BCOR: variants seen among roughly 807,000 people sequenced by gnomAD.
The protein encoded by BCOR is BCL-6 corepressor.
BCOR carries 10 observed loss-of-function variants against 86.7 expected under a neutral mutation model. The observed-to-expected ratio is 0.12, with a 90% CI of 0.07 to 0.20. BCOR has a LOEUF of 0.20. Ranked by LOEUF, BCOR falls within the 10% of genes least tolerant of loss-of-function variation. The probability of loss-of-function intolerance (pLI) is 1.00; values close to 1 mark genes in which losing one functional copy is unlikely to be tolerated. For missense variants in BCOR, 1,259 were observed against 1,452.1 expected (o/e 0.87, Z 2.16); for synonymous variants, 611 against 609.0 (o/e 1.00, Z -0.05).
chrX:40,132,644 TC>T (rs1054707811), intron 1 of BCOR, among the ~76,000 whole-genome samples: 1 of 111,924 alleles, frequency 8.9e-6, no homozygotes, highest in African/African-American at 3.2e-5. Flanking sequence ...ACAAAACAGA[TC>T]CGTGGTGTTC....
At chrX:40,177,265 C>T (rs1938783408) in exon 1 of BCOR, 1 of 111,974 alleles carries the variant, frequency 8.9e-6, no homozygotes, top group Non-Finnish European at 1.9e-5. Flanking sequence ...GCACATGCAG[C>T]CTTGTCTAGT....
chrX:40,115,707 G>A (rs1227016529), intron 1 of BCOR, among the ~76,000 whole-genome samples: 3 of 107,718 alleles, frequency 2.8e-5, no homozygotes, highest in African/African-American at 1.0e-4. Context: ...AACCCAGGAG[G>A]CGGAAACTCT....
chrX:40,154,815 G>A (rs1938251069), intron 1 of BCOR, among the ~76,000 whole-genome samples: 1 of 112,457 alleles, frequency 8.9e-6, no homozygotes, highest in Non-Finnish European at 1.9e-5. Flanking sequence ...CGCTAACAGG[G>A]TACAGTTTAC....
chrX:40,132,759 C>G (rs1210471402), intron 1 of BCOR, among the ~76,000 whole-genome samples: 1 of 112,597 alleles, frequency 8.9e-6, no homozygotes, highest in Non-Finnish European at 1.9e-5. Context: ...GAATCCAAAT[C>G]ATAGCCCCTT....
At position 40,148,357 on chromosome X, in the gene BCOR, C is replaced by T. The variant is rs574113674; in HGVS notation, c.-41+28650G>A. On this transcript the variant is annotated intron_variant, in intron 1 of 14. Transcript: ENST00000342274. The stretch of plus-strand genomic sequence containing the variant: ...GGCCGCAGCTACCGAGTGTGCTTCT[C>T]CTCCCTCCCGAGGCTGTTGGCTTTA... Among the ~76,000 whole-genome samples, 3 of 111,807 alleles carry T rather than the reference C, an allele frequency of 2.7e-5. No homozygotes were observed. The South Asian group carries it at 1.1e-3, about 42-fold the overall frequency.
chrX:40,072,696 G>C lies in BCOR; in HGVS notation c.2650C>G (p.Leu884Val), dbSNP rs1442932290. 1.7e-6 allele frequency: 2 copies of C among 1,212,080 alleles called. No individual in the cohort carries two copies. The highest frequency in any genetic ancestry group is 2.3e-4 in the Middle Eastern group (1 of 4,355). ...AGGTTCTCTTTGTTGGTACCTGCCAGAACACTGTCCTTGCTTACGGTGAAG... is the reference window on the plus strand; with the variant it reads ...AGGTTCTCTTTGTTGGTACCTGCCACAACACTGTCCTTGCTTACGGTGAAG... Reference protein sequence around the residue: ...PVFTVSKDSVLAGTNKENLGL... With the variant: ...PVFTVSKDSVVAGTNKENLGL... Residue 884 changes from leucine (L) to valine (V), a missense_variant, in exon 4 of 15, where the codon CTG becomes GTG. Transcript: ENST00000378444.
intron 1 of BCOR, among the ~76,000 whole-genome samples, chrX:40,159,338 G>GT (rs775309354): frequency 1.9e-3 from 218 of 111,796 alleles, no homozygotes; most frequent in South Asian, 0.011. Flanking sequence ...TCATAAAAGT[G>GT]TTTTTTTTGT....
chrX:40,061,181 T>TA (rs34927026), intron 10 of BCOR, among the ~76,000 whole-genome samples: 12,390 of 110,612 alleles, frequency 0.11, 937 homozygotes, highest in East Asian at 0.67. Flanking sequence ...GATGCCAGCA[T>TA]AAAAAAAAAT....
intron 1 of BCOR, among the ~76,000 whole-genome samples, chrX:40,080,438 AAAAC>A (rs1277403579): frequency 4.5e-5 from 5 of 111,027 alleles, no homozygotes; most frequent in Non-Finnish European, 7.6e-5. Context: ...CAAAACTCAA[AAAAC>A]AAACAAACAA....
At chrX:40,128,638 A>G (rs1317100060) in intron 1 of BCOR, among the ~76,000 whole-genome samples, 1 of 112,216 alleles carries the variant, frequency 8.9e-6, no homozygotes, top group Non-Finnish European at 1.9e-5. Context: ...CAGGAAATAA[A>G]AGGGAGCAGG....
At chrX:40,092,887 C>A (rs1418866734) in intron 1 of BCOR, among the ~76,000 whole-genome samples, 2 of 112,565 alleles carry the variant, frequency 1.8e-5, no homozygotes, top group Non-Finnish European at 3.8e-5. Context: ...GTGTGGCCCA[C>A]TCTTCTGTAC....
At chrX:40,164,236 C>T (rs183962914) in intron 1 of BCOR, among the ~76,000 whole-genome samples, 2 of 112,573 alleles carry the variant, frequency 1.8e-5, no homozygotes, top group African/African-American at 6.5e-5. Context: ...GTAAAGACCC[C>T]TCCGGATGCT....
At chrX:40,090,639 C>G (rs1936567667) in intron 1 of BCOR, among the ~76,000 whole-genome samples, 1 of 112,250 alleles carries the variant, frequency 8.9e-6, no homozygotes, top group South Asian at 3.6e-4. Flanking sequence ...AGCCTGGGAC[C>G]GCAGCGTCCG....
chrX:40,143,088 C>T (rs1937957724), intron 1 of BCOR, among the ~76,000 whole-genome samples: 1 of 112,390 alleles, frequency 8.9e-6, no homozygotes, highest in South Asian at 3.6e-4. Flanking sequence ...CCATTCTCAG[C>T]TAATGATCGC....
intron 1 of BCOR, among the ~76,000 whole-genome samples, chrX:40,140,720 A>T (rs1937905405): frequency 8.9e-6 from 1 of 112,992 alleles, no homozygotes; most frequent in East Asian, 2.8e-4. Context: ...ATGCTAGTTG[A>T]ATCACTGACT....
chrX:40,116,008 C>T (rs930056707), intron 1 of BCOR, among the ~76,000 whole-genome samples: 1 of 110,952 alleles, frequency 9.0e-6, no homozygotes, highest in East Asian at 2.8e-4. Flanking sequence ...AGGTAGTTCA[C>T]GAAGGGATAA....
chrX:40,118,393 G>C (rs1937430000), intron 1 of BCOR, among the ~76,000 whole-genome samples: 1 of 110,476 alleles, frequency 9.1e-6, no homozygotes, highest in Non-Finnish European at 1.9e-5. Context: ...CTCCTGAGTA[G>C]CTGGGATTAC....
chrX:40,140,719 G>C (rs1229317132), intron 1 of BCOR, among the ~76,000 whole-genome samples: 1 of 112,948 alleles, frequency 8.9e-6, no homozygotes, highest in East Asian at 2.8e-4. Flanking sequence ...AATGCTAGTT[G>C]AATCACTGAC....
At chrX:40,064,097 G>C in intron 7 of BCOR, 145 bp from the exon 8 acceptor site, 1 of 641,910 alleles carries the variant, frequency 1.6e-6, no homozygotes, top group Non-Finnish European at 2.3e-6. Context: ...TTGGCCATCT[G>C]GGTTCTGGCT....
Sources: allele counts gnomAD v4.1 joint callset (sites outside exome capture counted in the v4.1 genomes callset), GRCh38; gene constraint gnomAD v4.1.1; transcripts MANE v1.5; gene names NCBI Gene and HGNC (gene_info 2026-07-23, HGNC 2026-07-21).